The following USP8 variants were observed in gnomAD, a reference collection of about 807,000 sequenced individuals.
USP8 encodes ubiquitin specific peptidase 8.
Under a neutral mutation model 130.0 loss-of-function variants are expected in USP8, and 27 were observed. The ratio of observed to expected loss-of-function variants is 0.21; its 90% CI spans 0.15 to 0.29. USP8 has a LOEUF of 0.29. Ranked by LOEUF, USP8 falls within the 10% of genes least tolerant of loss-of-function variation. USP8 has a pLI of 1.00. For missense variants in USP8, 1,029 were observed against 1,312.2 expected (o/e 0.78, Z 3.33); for synonymous variants, 392 against 444.1 (o/e 0.88, Z 1.48).
At chr15:50,493,960 G>A (rs1595987289) in intron 15 of USP8, 110 bp from the exon 16 acceptor site, 2 of 1,217,500 alleles carry the variant, frequency 1.6e-6, no homozygotes, top group East Asian at 2.4e-5. Context: ...GTAGTTTAAT[G>A]TAGTGCTACA....
intron 4 of USP8, among the ~76,000 whole-genome samples, chr15:50,455,413 C>T (rs572220623): frequency 4.9e-5 from 7 of 143,418 alleles, no homozygotes; most frequent in East Asian, 2.4e-4. Flanking sequence ...TTTTTTATAG[C>T]GTCTATTATT....
intron 2 of USP8, among the ~76,000 whole-genome samples, chr15:50,440,865 G>A (rs1567602938): frequency 6.6e-6 from 1 of 152,040 alleles, no homozygotes; most frequent in African/African-American, 2.4e-5. Context: ...AGCCAGGCAT[G>A]GTGGTACACT....
intron 17 of USP8, 137 bp from the exon 18 acceptor site, chr15:50,496,952 T>C (rs1419008237): frequency 3.6e-6 from 4 of 1,123,048 alleles, no homozygotes; most frequent in Non-Finnish European, 1.2e-6. Flanking sequence ...ATCACAAGCT[T>C]TGGGAAGGCA....
At chr15:50,486,347 T>C (rs1001208136) in intron 12 of USP8, among the ~76,000 whole-genome samples, 2 of 151,838 alleles carry the variant, frequency 1.3e-5, no homozygotes, top group Admixed American at 6.6e-5. Flanking sequence ...ATTAGCTGGG[T>C]TTGGTGGCGC....
chr15:50,485,952 A>G (rs529688240), intron 12 of USP8, among the ~76,000 whole-genome samples: 1 of 152,350 alleles, frequency 6.6e-6, no homozygotes, highest in Admixed American at 6.5e-5. Context: ...TTAGGGGATA[A>G]TAAAAGCCTG....
At position 50,500,897 on chromosome 15, in the gene USP8, G is replaced by GA. The variant is rs1566898560; in HGVS notation, c.*1812dup. The GA allele has an allele frequency of 2.0e-5, 26 of 1,286,582 alleles. No individual in the cohort carries two copies. The highest frequency in any genetic ancestry group is 1.5e-5 in the Non-Finnish European group (14 of 906,446). 79.7% of individuals were successfully genotyped at this position (1,286,582 alleles called of 1,614,324 possible). On this transcript the variant is annotated 3_prime_UTR_variant, in exon 20 of 20. Coordinates refer to ENST00000307179, the MANE Select transcript of USP8 (RefSeq NM_005154.5). The stretch of plus-strand genomic sequence containing the variant: ...CATATGAACACTAACTACTGGAACA[G>GA]AAATGATAGGGCCAAGAGATGCTTT...
chr15:50,427,556 TA>T (rs1196497953), intron 1 of USP8, among the ~76,000 whole-genome samples: 5 of 137,302 alleles, frequency 3.6e-5, no homozygotes, highest in African/African-American at 1.3e-4. Context: ...ATAGCCGTAC[TA>T]ATTTTTTTTT....
At chr15:50,468,987 A>C (rs2051289131) in intron 7 of USP8, among the ~76,000 whole-genome samples, 1 of 152,032 alleles carries the variant, frequency 6.6e-6, no homozygotes, top group Admixed American at 6.6e-5. Flanking sequence ...AGTTTCTGAC[A>C]GAATATATTC....
intron 2 of USP8, among the ~76,000 whole-genome samples, chr15:50,440,017 T>A (rs1050796212): frequency 5.9e-5 from 9 of 151,832 alleles, no homozygotes; most frequent in African/African-American, 2.2e-4. Flanking sequence ...GAAGTGGAGG[T>A]TGCAGTGAGT....
At position 50,506,141 on chromosome 15, in the gene USP8, G is replaced by C. The variant is rs1234414596; in HGVS notation, c.*7053G>C. ...AATGTGTAACTTCCAAAGTTGTAGA[G>C]GGAAAATAAAGAAAGCTTTATCAGT... On this transcript the variant is annotated 3_prime_UTR_variant, in exon 20 of 20. Coordinates refer to ENST00000307179, the MANE Select transcript of USP8 (RefSeq NM_005154.5). 6.6e-6 allele frequency: 1 copy of C among 152,140 alleles called. No individual in the cohort carries two copies. Among genetic ancestry groups the C allele is most frequent in the Non-Finnish European group, 1.5e-5 (1 of 68,046 alleles). The allele number at this position is 152,140 out of a possible 1,614,324, so 9.4% of individuals were successfully genotyped here.
chr15:50,459,411 C>G (rs2050907227), intron 5 of USP8, among the ~76,000 whole-genome samples: 1 of 152,066 alleles, frequency 6.6e-6, no homozygotes, highest in Non-Finnish European at 1.5e-5. Context: ...TAGCGAAACC[C>G]CGACTCTACT....
chr15:50,470,336 G>A (rs182641027), intron 7 of USP8, among the ~76,000 whole-genome samples: 71 of 152,306 alleles, frequency 4.7e-4, no homozygotes, highest in Non-Finnish European at 7.9e-4. Flanking sequence ...GTGTGCGTGT[G>A]CATGTGTGTG....
In USP8 at chr15:50,508,226, T is replaced by C. The variant is rs927893652; in HGVS notation, c.*9138T>C. 4 of 151,996 alleles carry C rather than the reference T, an allele frequency of 2.6e-5. No homozygotes were observed. Among genetic ancestry groups the C allele is most frequent in the African/African-American group, 9.7e-5 (4 of 41,388 alleles). 9.4% of individuals were successfully genotyped at this position (151,996 alleles called of 1,614,324 possible). A position where few individuals can be genotyped will look rare whatever the true frequency, so the allele number is the denominator to read the frequency against. On this transcript the variant is annotated 3_prime_UTR_variant, in exon 20 of 20. Transcript: ENST00000307179. Reference sequence around the variant, plus strand: ...TCTAAGTAACTTTATAAATAAATTATAAAAGTAAAACACTTAGAAGTAAAT... The same window carrying C: ...TCTAAGTAACTTTATAAATAAATTACAAAAGTAAAACACTTAGAAGTAAAT...
chr15:50,440,781 T>C (rs2050229594), intron 2 of USP8, among the ~76,000 whole-genome samples: 1 of 151,900 alleles, frequency 6.6e-6, no homozygotes, highest in African/African-American at 2.4e-5. Flanking sequence ...GATGGGAGGA[T>C]CACTTGAGGT....
At chr15:50,441,695 G>A (rs1223296636) in intron 3 of USP8, among the ~76,000 whole-genome samples, 2 of 152,044 alleles carry the variant, frequency 1.3e-5, no homozygotes, top group Non-Finnish European at 1.5e-5. Context: ...CACATTCTTG[G>A]ATTTGCCATG....
chr15:50,446,250 T>C (rs1388771471), intron 3 of USP8, among the ~76,000 whole-genome samples: 1 of 152,140 alleles, frequency 6.6e-6, no homozygotes, highest in Non-Finnish European at 1.5e-5. Context: ...CTATTGAAAT[T>C]TTGGAAGTAT....
chr15:50,471,770 G>T lies in USP8; in HGVS notation c.824G>T (p.Arg275Leu), dbSNP rs376852674. The change falls in exon 8 of 20, where the codon CGG (arginine) becomes CTG (leucine). Residue 275 changes from arginine (R) to leucine (L), a missense_variant. Coordinates refer to ENST00000307179, the MANE Select transcript of USP8 (RefSeq NM_005154.5). ...GATTTACAGATTGGAACAACTCTCC[G>T]GAGTCTGAAAGATGCACTTTTCAAG... is the stretch of plus-strand genomic sequence containing the variant. ...AKDLQIGTTL[R>L]SLKDALFKWE... The T allele has an allele frequency of 8.1e-6, 13 of 1,613,820 alleles. No homozygotes were observed. In the African/African-American group the frequency reaches 1.7e-4, roughly 22 times the overall value.
In USP8 at chr15:50,499,040, C is replaced by T. The variant is rs777549602; in HGVS notation, c.3309C>T (p.Ile1103=). 5.0e-6 allele frequency: 8 copies of T among 1,613,722 alleles called. No homozygotes were observed. The highest frequency in any genetic ancestry group is 5.9e-6 in the Non-Finnish European group (7 of 1,179,824). The change falls in exon 20 of 20, where the codon ATC becomes ATT. Residue 1103 remains isoleucine, a synonymous_variant. Transcript: ENST00000307179. ...VSSVKSSAAY[I]LFYTSLGPRV... The stretch of plus-strand genomic sequence containing the variant: ...CTGTGAAATCTTCAGCAGCTTATAT[C>T]CTCTTTTATACTTCATTGGGACCAC...
intron 1 of USP8, among the ~76,000 whole-genome samples, chr15:50,429,084 C>T (rs1322841397): frequency 1.3e-5 from 2 of 152,128 alleles, no homozygotes; most frequent in South Asian, 2.1e-4. Context: ...TTGTTTATTT[C>T]TGGAATTTTT....
Sources: allele counts gnomAD v4.1 joint callset (sites outside exome capture counted in the v4.1 genomes callset), GRCh38; gene constraint gnomAD v4.1.1; transcripts MANE v1.5; gene names NCBI Gene and HGNC (gene_info 2026-07-23, HGNC 2026-07-21).